Variants in KANK1 observed in about 807,000 individuals in gnomAD.
The protein encoded by KANK1 is KN motif and ankyrin repeat domain-containing protein 1.
A neutral mutation model predicts 106.2 loss-of-function variants in KANK1; 109 were observed. The observed-to-expected ratio is 1.03, with a 90% confidence interval of 0.88 to 1.20. The LOEUF (loss-of-function observed/expected upper bound fraction) is 1.20. Ranked by LOEUF, KANK1 falls within the 50% of genes most tolerant of loss-of-function variation. The pLI is 0.00. For missense variants in KANK1, 2,399 were observed against 1,710.7 expected (o/e 1.40, Z -7.10); for synonymous variants, 873 against 652.2 (o/e 1.34, Z -5.16).
intron 1 of KANK1, among the ~76,000 whole-genome samples, chr9:531,625 G>C (rs954310497): frequency 2.0e-5 from 3 of 152,160 alleles, no homozygotes; most frequent in Admixed American, 1.3e-4. Flanking sequence ...TCCAGTCTCA[G>C]GTGATGAAAA....
At chr9:564,694 T>C (rs1230183904) in intron 1 of KANK1, among the ~76,000 whole-genome samples, 1 of 152,208 alleles carries the variant, frequency 6.6e-6, no homozygotes, top group African/African-American at 2.4e-5. Context: ...TCTGGCTCTT[T>C]GCAGCCGCTC....
intron 10 of KANK1, 100 bp downstream of exon 10, chr9:742,505 A>C (rs1835911670): frequency 2.4e-6 from 2 of 846,570 alleles, no homozygotes; most frequent in South Asian, 3.5e-5. Context: ...ATCCTCCTCT[A>C]TTCTCCTCTG....
chr9:574,831 G>A (rs1214219071), intron 1 of KANK1, among the ~76,000 whole-genome samples: 1 of 149,222 alleles, frequency 6.7e-6, no homozygotes, highest in African/African-American at 2.5e-5. Flanking sequence ...CTCCAACTTA[G>A]GTGACAGAGT....
At chr9:573,908 G>T (rs1414024795) in intron 1 of KANK1, among the ~76,000 whole-genome samples, 2 of 152,178 alleles carry the variant, frequency 1.3e-5, no homozygotes, top group African/African-American at 4.8e-5. Flanking sequence ...GGCACTTTTT[G>T]TTTTGTAATT....
chr9:585,937 A>G (rs1483494674), intron 1 of KANK1, among the ~76,000 whole-genome samples: 1 of 152,238 alleles, frequency 6.6e-6, no homozygotes, highest in Non-Finnish European at 1.5e-5. Context: ...GATGGAAGAG[A>G]AAATCATTAT....
intron 1 of KANK1, among the ~76,000 whole-genome samples, chr9:532,328 G>T (rs1251910753): frequency 8.3e-6 from 1 of 120,194 alleles, no homozygotes; most frequent in African/African-American, 3.3e-5. Context: ...CGCAACCTCT[G>T]TCTCACTGGT....
At chr9:548,779 TAATAAA>T (rs2061092712) in intron 1 of KANK1, among the ~76,000 whole-genome samples, 1 of 152,162 alleles carries the variant, frequency 6.6e-6, no homozygotes, top group African/African-American at 2.4e-5. Context: ...TATGTTTATG[TAATAAA>T]AATAAAATAG....
intron 5 of KANK1, chr9:732,141 C>G: frequency 2.6e-6 from 1 of 385,332 alleles, no homozygotes; most frequent in Non-Finnish European, 4.7e-6. Context: ...CCATTATTTT[C>G]TTTAACAAGT....
At chr9:582,201 T>TA (rs1487564956) in intron 1 of KANK1, among the ~76,000 whole-genome samples, 1 of 152,108 alleles carries the variant, frequency 6.6e-6, no homozygotes, top group Admixed American at 6.5e-5. Flanking sequence ...TCTTCATGGC[T>TA]ACTTGCTGGA....
In KANK1 at chr9:712,964, C is replaced by G. The variant is rs760774418; in HGVS notation, c.2198C>G (p.Thr733Arg). 27 of 1,614,058 alleles carry G rather than the reference C, an allele frequency of 1.7e-5. No homozygotes were observed. In the South Asian group the frequency reaches 2.6e-4, roughly 16 times the overall value. ...RVKDINSSTKTRSIGVGTLLS... is the reference protein window; with the variant it reads ...RVKDINSSTKRRSIGVGTLLS... ...AAGGACATCAACTCCTCCACCAAGA[C>G]GCGGTCCATTGGTGTTGGAACGTTG... The change falls in exon 3 of 12, where the codon ACG (threonine) becomes AGG (arginine). Residue 733 changes from threonine to arginine, a missense_variant. Thr to Arg is a moderately conservative substitution (Grantham distance 71). Coordinates refer to ENST00000382297, the MANE Select transcript of KANK1 (RefSeq NM_015158.5).
intron 1 of KANK1, among the ~76,000 whole-genome samples, chr9:514,402 T>A (rs2059191848): frequency 6.7e-6 from 1 of 150,034 alleles, no homozygotes; most frequent in Non-Finnish European, 1.5e-5. Flanking sequence ...TGCCAAATAC[T>A]CCCTCATCTC....
intron 3 of KANK1, among the ~76,000 whole-genome samples, chr9:486,614 T>C (rs147922950): frequency 1.9e-4 from 29 of 152,336 alleles, no homozygotes; most frequent in African/African-American, 7.0e-4. Context: ...ACACTCTTAA[T>C]CTGTGCACTG....
chr9:476,801 A>T (rs2058112734), intron 3 of KANK1: 1 of 152,200 alleles, frequency 6.6e-6, no homozygotes, highest in Non-Finnish European at 1.5e-5. Flanking sequence ...CATCCATATT[A>T]TTTAATGGAT....
intron 1 of KANK1, among the ~76,000 whole-genome samples, chr9:607,731 T>G (rs1225712349): frequency 6.6e-6 from 1 of 151,608 alleles, no homozygotes; most frequent in African/African-American, 2.4e-5. Context: ...CTCTGTAGTT[T>G]CTTCCCATTT....
At chr9:571,132 C>T (rs1258936267) in intron 1 of KANK1, among the ~76,000 whole-genome samples, 1 of 152,114 alleles carries the variant, frequency 6.6e-6, no homozygotes, top group African/African-American at 2.4e-5. Flanking sequence ...GGGACCTAGC[C>T]CCTTGATGGT....
intron 1 of KANK1, among the ~76,000 whole-genome samples, chr9:519,252 C>T (rs1380121258): frequency 1.3e-5 from 2 of 151,772 alleles, no homozygotes; most frequent in South Asian, 4.1e-4. Context: ...GCTCTCACGA[C>T]AGCCTCTGGA....
chr9:665,467 G>A (rs564831290), intron 1 of KANK1, among the ~76,000 whole-genome samples: 2 of 152,284 alleles, frequency 1.3e-5, no homozygotes, highest in African/African-American at 4.8e-5. Context: ...TCAAAAATTA[G>A]TTGGCTGCAA....
At chr9:520,446 T>C (rs1473633097) in intron 1 of KANK1, among the ~76,000 whole-genome samples, 1 of 151,744 alleles carries the variant, frequency 6.6e-6, no homozygotes, top group Non-Finnish European at 1.5e-5. Flanking sequence ...AAGAAAGTCA[T>C]ATGGCCAGGC....
chr9:709,458 T>C (rs895908006), intron 2 of KANK1, among the ~76,000 whole-genome samples: 2 of 152,226 alleles, frequency 1.3e-5, no homozygotes, highest in Non-Finnish European at 1.5e-5. Flanking sequence ...CTCCTGGTTA[T>C]GCTGCTGACT....
Sources: gnomAD v4.1 joint callset for allele counts (sites outside exome capture counted in the v4.1 genomes callset) on GRCh38, gnomAD v4.1.1 for gene constraint, MANE v1.5 for transcripts, NCBI Gene and HGNC (gene_info 2026-07-23, HGNC 2026-07-21) for gene names.